Variants in PCCA observed in about 807,000 individuals in gnomAD.
The protein encoded by PCCA is propionyl-CoA carboxylase subunit alpha, also known as propionyl-CoA carboxylase alpha chain, mitochondrial.
A neutral mutation model predicts 101.3 loss-of-function variants in PCCA; 74 were observed. That is an observed-to-expected ratio of 0.73 (90% confidence interval 0.61 to 0.89). PCCA has a LOEUF of 0.89. Ranked by LOEUF, PCCA falls within the 40% of genes least tolerant of loss-of-function variation. The pLI, the probability that PCCA is intolerant of heterozygous loss-of-function variation, is 0.00. For missense variants in PCCA, 891 were observed against 907.0 expected, an observed-to-expected ratio of 0.98 and a Z score of 0.23; for synonymous variants, 294 against 313.6, an observed-to-expected ratio of 0.94 and a Z score of 0.66.
intron 12 of PCCA, among the ~76,000 whole-genome samples, chr13:100,277,449 T>C (rs367707148): frequency 6.6e-6 from 1 of 152,184 alleles, no homozygotes; most frequent in East Asian, 1.9e-4. Context: ...TACCCTGTGA[T>C]GTTTTTAAGA....
chr13:100,309,985 T>G (rs912048950), intron 16 of PCCA, 77 bp downstream of exon 16: 8 of 1,032,372 alleles, frequency 7.7e-6, no homozygotes, highest in Middle Eastern at 4.0e-4. Context: ...GGTTTACCAA[T>G]GAGAATATGG....
chr13:100,210,225 G>A (rs1566714360), intron 7 of PCCA, among the ~76,000 whole-genome samples: 1 of 152,160 alleles, frequency 6.6e-6, no homozygotes, highest in Non-Finnish European at 1.5e-5. Context: ...TGATTCTCCC[G>A]CCTTGGCCTT....
In PCCA at chr13:100,407,954, C is replaced by G. The variant is rs575941504; in HGVS notation, c.1747-17679C>G. Among the ~76,000 whole-genome samples, 25 of 152,136 alleles carry G rather than the reference C, an allele frequency of 1.6e-4. No individual in the cohort carries two copies. The South Asian group carries it at 3.3e-3, about 20-fold the overall frequency. Reference sequence around the variant, plus strand: ...TTACCTGAGGTCAGGAGGTCAAGACCAGCCTGACCAACATGGTGAGACCCT... The same window carrying G: ...TTACCTGAGGTCAGGAGGTCAAGACGAGCCTGACCAACATGGTGAGACCCT... On this transcript the variant is annotated intron_variant, in intron 19 of 23. Coordinates refer to ENST00000376285, the MANE Select transcript of PCCA (RefSeq NM_000282.4).
At chr13:100,376,170 TA>T (rs1191511323) in intron 19 of PCCA, among the ~76,000 whole-genome samples, 2 of 152,228 alleles carry the variant, frequency 1.3e-5, no homozygotes, top group African/African-American at 2.4e-5. Context: ...TGGGTATCAC[TA>T]GCAGAGGCTG....
intron 17 of PCCA, among the ~76,000 whole-genome samples, chr13:100,335,167 C>T (rs1256772755): frequency 6.6e-6 from 1 of 152,102 alleles, no homozygotes; most frequent in Non-Finnish European, 1.5e-5. Flanking sequence ...AATTTGTTTT[C>T]AGTTAAATAA....
intron 6 of PCCA, among the ~76,000 whole-genome samples, chr13:100,183,037 G>A (rs1594589852): frequency 1.3e-5 from 2 of 152,138 alleles, no homozygotes; most frequent in Admixed American, 6.5e-5. Flanking sequence ...GTTGAGTGTT[G>A]TGTACAGGAA....
chr13:100,194,083 A>AG (rs397700775), intron 6 of PCCA, among the ~76,000 whole-genome samples: 2 of 152,052 alleles, frequency 1.3e-5, no homozygotes, highest in Non-Finnish European at 2.9e-5. Flanking sequence ...AAAAAAAAAA[A>AG]GAAATCATGA....
At chr13:100,472,539 A>G (rs1340543366) in intron 21 of PCCA, among the ~76,000 whole-genome samples, 1 of 152,178 alleles carries the variant, frequency 6.6e-6, no homozygotes, top group African/African-American at 2.4e-5. Context: ...ACACCCCTCC[A>G]TGCAGGGCAC....
At chr13:100,236,792 G>A (rs1346273065) in intron 8 of PCCA, 1 of 152,074 alleles carries the variant, frequency 6.6e-6, no homozygotes, top group Non-Finnish European at 1.5e-5. Flanking sequence ...AATATTCTTG[G>A]CGGTCATGAG....
intron 12 of PCCA, among the ~76,000 whole-genome samples, chr13:100,286,294 A>C (rs369563738): frequency 6.6e-6 from 1 of 152,150 alleles, no homozygotes; most frequent in East Asian, 1.9e-4. Flanking sequence ...GTGAGCACAC[A>C]CTCGGACAAG....
chr13:100,280,811 T>A (rs1165929804), intron 12 of PCCA, among the ~76,000 whole-genome samples: 1 of 152,122 alleles, frequency 6.6e-6, no homozygotes, highest in South Asian at 2.1e-4. Context: ...TGTGATGAAA[T>A]CTCACACCAT....
At chr13:100,379,235 G>C (rs2076089892) in intron 19 of PCCA, among the ~76,000 whole-genome samples, 3 of 152,008 alleles carry the variant, frequency 2.0e-5, no homozygotes, top group African/African-American at 7.3e-5. Flanking sequence ...TTCTTTAGTG[G>C]CTTAGGGTAC....
Position 100,394,653 on chromosome 13 carries a change from A to G in PCCA, c.1746+26079A>G, listed in dbSNP as rs1162259742. Among the ~76,000 whole-genome samples, 1 of 152,230 alleles carries G rather than the reference A, an allele frequency of 6.6e-6. No homozygotes were observed. Among genetic ancestry groups the G allele is most frequent in the Non-Finnish European group, 1.5e-5 (1 of 68,048 alleles). The stretch of plus-strand genomic sequence containing the variant: ...CAACTAACAAGGGTTACCATGACCC[A>G]AATAGTAATTGCATTTTGATTCACT... On this transcript the variant is annotated intron_variant, in intron 19 of 23. Transcript: ENST00000376285. This position sits in a 1 kb window ranked among gnomAD's most constrained non-coding sequence, Gnocchi z 4.3.
At chr13:100,522,699 GT>G (rs1283842669) in intron 22 of PCCA, among the ~76,000 whole-genome samples, 2 of 152,130 alleles carry the variant, frequency 1.3e-5, no homozygotes, top group Non-Finnish European at 2.9e-5. Flanking sequence ...ACCTTGTTTT[GT>G]TACTCCCCGT....
intron 6 of PCCA, among the ~76,000 whole-genome samples, chr13:100,199,866 G>A (rs2058363497): frequency 6.6e-6 from 1 of 152,072 alleles, no homozygotes; most frequent in African/African-American, 2.4e-5. Context: ...CTGAAGTAAT[G>A]ATTGGTTCCT....
intron 4 of PCCA, among the ~76,000 whole-genome samples, chr13:100,137,873 G>A (rs371039130): frequency 2.7e-5 from 4 of 150,850 alleles, no homozygotes; most frequent in Non-Finnish European, 4.4e-5. Context: ...GCAGTGGCGC[G>A]ATTATGGCCC....
At chr13:100,264,777 T>A (rs1240334781) in intron 10 of PCCA, among the ~76,000 whole-genome samples, 1 of 152,190 alleles carries the variant, frequency 6.6e-6, no homozygotes, top group Non-Finnish European at 1.5e-5. Context: ...TAGTGGGTAC[T>A]CTGGTTGTGC....
At chr13:100,388,087 A>G (rs2076609861) in intron 19 of PCCA, among the ~76,000 whole-genome samples, 1 of 152,210 alleles carries the variant, frequency 6.6e-6, no homozygotes, top group African/African-American at 2.4e-5. Context: ...CCTTTAGTTC[A>G]GTTCAGTTTC....
At chr13:100,145,657 A>G (rs1013793098) in intron 4 of PCCA, among the ~76,000 whole-genome samples, 1 of 151,928 alleles carries the variant, frequency 6.6e-6, no homozygotes, top group African/African-American at 2.4e-5. Context: ...AGGTTAGGAG[A>G]TGGAGACCAT....
Sources: gnomAD v4.1 joint callset for allele counts (sites outside exome capture counted in the v4.1 genomes callset) on GRCh38, gnomAD v4.1.1 for gene constraint, Gnocchi (gnomAD v3.1) non-coding constraint, MANE v1.5 for transcripts, NCBI Gene and HGNC (gene_info 2026-07-23, HGNC 2026-07-21) for gene names.